The following TPH2 variants were observed in gnomAD, a reference collection of about 807,000 sequenced individuals.
TPH2 encodes the protein tryptophan hydroxylase 2, also known as tryptophan 5-hydroxylase 2.
TPH2 carries 27 observed loss-of-function variants against 59.1 expected under a neutral mutation model. That is an observed-to-expected ratio of 0.46 (90% CI 0.34 to 0.63). The LOEUF (loss-of-function observed/expected upper bound fraction) is 0.63, where lower values mean the gene tolerates loss of function less well. Among genes scored for constraint, TPH2 ranks in the 30% least tolerant of loss-of-function variants. The pLI is 0.01. For missense variants in TPH2, 523 were observed against 588.3 expected, an observed-to-expected ratio of 0.89 and a Z score of 1.15; for synonymous variants, 220 against 210.5, an observed-to-expected ratio of 1.05 and a Z score of -0.39.
intron 5 of TPH2, among the ~76,000 whole-genome samples, chr12:71,965,755 G>C (rs1421687305): frequency 6.6e-6 from 1 of 152,160 alleles, no homozygotes; most frequent in African/African-American, 2.4e-5. Context: ...CTCCTATTCT[G>C]TAGGTCATCC....
intron 6 of TPH2, among the ~76,000 whole-genome samples, chr12:71,978,210 A>G (rs1229692742): frequency 6.7e-6 from 1 of 149,858 alleles, no homozygotes; most frequent in Non-Finnish European, 1.5e-5. Context: ...AATAAAATGC[A>G]TATTTAAAAA....
At chr12:71,939,418 A>C (rs910477024) in intron 1 of TPH2, among the ~76,000 whole-genome samples, 1 of 140,992 alleles carries the variant, frequency 7.1e-6, no homozygotes, top group East Asian at 2.0e-4. Flanking sequence ...AAAAAAATGG[A>C]GTGTGAAGAA....
intron 6 of TPH2, among the ~76,000 whole-genome samples, chr12:71,977,558 C>T (rs1448234409): frequency 6.6e-6 from 1 of 152,142 alleles, no homozygotes; most frequent in Non-Finnish European, 1.5e-5. Context: ...TTCACTATTA[C>T]AGTAAATCCT....
chr12:71,940,335 T>G (rs1871022003), intron 1 of TPH2, among the ~76,000 whole-genome samples: 2 of 152,322 alleles, frequency 1.3e-5, no homozygotes, highest in Admixed American at 6.5e-5. Context: ...CTGCATAAAC[T>G]TCTTCCCTCC....
intron 5 of TPH2, among the ~76,000 whole-genome samples, chr12:71,970,830 C>G (rs973714417): frequency 6.6e-6 from 1 of 152,206 alleles, no homozygotes; most frequent in African/African-American, 2.4e-5. Flanking sequence ...TAATCTTGCT[C>G]TAATTTGGTT....
In TPH2 at chr12:71,994,709, T is replaced by C. The variant is rs1872653497; in HGVS notation, c.1068+144T>C. ...TACCTTTTCCTATGTTGTATTCTTT[T>C]GAAGCACAATGAGTTATCAGCTTAT... On this transcript the variant is annotated intron_variant, in intron 8 of 10. Coordinates refer to ENST00000333850, the MANE Select transcript of TPH2 (RefSeq NM_173353.4). 8.9e-6 allele frequency: 9 copies of C among 1,007,028 alleles called. No homozygotes were observed. The Admixed American group carries it at 1.8e-4, about 20-fold the overall frequency. 62.4% of individuals were successfully genotyped at this position (1,007,028 alleles called of 1,614,324 possible).
intron 6 of TPH2, among the ~76,000 whole-genome samples, chr12:71,977,383 G>T (rs1872150616): frequency 1.3e-5 from 2 of 151,990 alleles, no homozygotes; most frequent in Admixed American, 1.3e-4. Flanking sequence ...AACTGCATGA[G>T]GACTGTAGTT....
chr12:71,941,777 G>A, intron 2 of TPH2, 44 bp downstream of exon 2: 1 of 1,578,288 alleles, frequency 6.3e-7, no homozygotes, highest in South Asian at 1.1e-5. Context: ...GTGACCGTGT[G>A]CCTGGGTACA....
At chr12:71,996,669 T>C (rs1872701643) in intron 8 of TPH2, among the ~76,000 whole-genome samples, 1 of 152,128 alleles carries the variant, frequency 6.6e-6, no homozygotes, top group South Asian at 2.1e-4. Context: ...AGCTGATGTG[T>C]GTGTGTGTGT....
At chr12:71,972,193 T>C (rs7978482) in intron 5 of TPH2, among the ~76,000 whole-genome samples, 108,623 of 152,110 alleles carry the variant, frequency 0.71, 40,501 homozygotes, top group Non-Finnish European at 0.82. Context: ...TCTCAGAGAA[T>C]AGTTTTGTAC....
In TPH2 at chr12:71,958,085, G is replaced by A. The variant is rs78014205; in HGVS notation, c.608+8430G>A. Among the ~76,000 whole-genome samples the A allele has an allele frequency of 5.3e-3, 805 of 152,240 alleles. 4 individuals are homozygous for A. Among genetic ancestry groups the A allele is most frequent in the African/African-American group, 0.017 (707 of 41,534 alleles). ...TTTGAAGATGAGGAAACTGATCTTC[G>A]GAGACATTAAGAAACTTACTAAAGG... On this transcript the variant is annotated intron_variant, in intron 5 of 10. Coordinates refer to ENST00000333850, the MANE Select transcript of TPH2 (RefSeq NM_173353.4).
At chr12:71,943,979 C>T (rs536200109) in intron 2 of TPH2, among the ~76,000 whole-genome samples, 7 of 152,016 alleles carry the variant, frequency 4.6e-5, no homozygotes, top group South Asian at 4.2e-4. Context: ...CAAATAATCA[C>T]GTGCCACCTG....
At chr12:72,010,097 A>C (rs1206875960) in intron 8 of TPH2, among the ~76,000 whole-genome samples, 1 of 152,206 alleles carries the variant, frequency 6.6e-6, no homozygotes, top group African/African-American at 2.4e-5. Context: ...AAAACTCAGA[A>C]TGGTTAGATA....
chr12:72,006,583 G>A (rs988396899), intron 8 of TPH2, among the ~76,000 whole-genome samples: 3 of 152,054 alleles, frequency 2.0e-5, no homozygotes, highest in Non-Finnish European at 4.4e-5. Flanking sequence ...GGTGATTCCA[G>A]TCAGATATTG....
In TPH2 at chr12:71,972,720, G is replaced by A; in HGVS notation, c.805+5G>A. 2.5e-6 allele frequency: 4 copies of A among 1,613,152 alleles called. No individual in the cohort carries two copies. The highest frequency in any genetic ancestry group is 1.1e-5 in the South Asian group (1 of 91,090). ...ATGTCTCCATGTTTCTGAAAGGTAA[G>A]ATTTCACACAGGCTGTCTCTTATTA... On this transcript the variant is annotated splice_donor_5th_base_variant and intron_variant, in intron 6 of 10. Transcript: ENST00000333850.
At chr12:72,020,081 G>A (rs905654008) in intron 8 of TPH2, among the ~76,000 whole-genome samples, 1 of 152,178 alleles carries the variant, frequency 6.6e-6, no homozygotes, top group Non-Finnish European at 1.5e-5. Context: ...TAGATCAGTT[G>A]TTCTCAACCA....
At chr12:71,974,818 C>G (rs1872072447) in intron 6 of TPH2, among the ~76,000 whole-genome samples, 1 of 152,150 alleles carries the variant, frequency 6.6e-6, no homozygotes, top group Non-Finnish European at 1.5e-5. Flanking sequence ...AACCTTGATG[C>G]CTATATTTTC....
intron 5 of TPH2, among the ~76,000 whole-genome samples, chr12:71,952,575 G>GTATT (rs1871379586): frequency 6.6e-6 from 1 of 152,112 alleles, no homozygotes; most frequent in Admixed American, 6.6e-5. Context: ...AAAGCAAAGG[G>GTATT]TATTTACCTA....
intron 8 of TPH2, among the ~76,000 whole-genome samples, chr12:72,020,779 G>A (rs190406451): frequency 2.0e-5 from 3 of 152,090 alleles, no homozygotes; most frequent in African/African-American, 4.8e-5. Flanking sequence ...GAGTCACCAC[G>A]CCCAGTCTAG....
Sources: allele counts gnomAD v4.1 joint callset (sites outside exome capture counted in the v4.1 genomes callset), GRCh38; gene constraint gnomAD v4.1.1; transcripts MANE v1.5; gene names NCBI Gene and HGNC (gene_info 2026-07-23, HGNC 2026-07-21).